Variants in SNX27 observed in about 807,000 individuals in gnomAD.
SNX27 encodes the protein sorting nexin-27.
SNX27 carries 22 observed loss-of-function variants against 71.6 expected under a neutral mutation model. That is an observed-to-expected ratio of 0.31 (90% confidence interval 0.22 to 0.44). The LOEUF (loss-of-function observed/expected upper bound fraction) is 0.44. Among genes scored for constraint, SNX27 ranks in the 20% least tolerant of loss-of-function variants. SNX27 has a pLI of 1.00. For synonymous variants in SNX27, 269 were observed against 277.2 expected, an observed-to-expected ratio of 0.97 and a Z score of 0.29; for missense variants, 531 against 698.6, an observed-to-expected ratio of 0.76 and a Z score of 2.70.
At chr1:151,656,485 A>T (rs1486834013) in intron 2 of SNX27, among the ~76,000 whole-genome samples, 4 of 152,210 alleles carry the variant, frequency 2.6e-5, no homozygotes, top group Non-Finnish European at 5.9e-5. Flanking sequence ...CACCAATTCC[A>T]TTGGCAAAAT....
intron 2 of SNX27, 77 bp downstream of exon 2, chr1:151,639,196 T>C: frequency 7.5e-7 from 1 of 1,328,898 alleles, no homozygotes. Context: ...ACTATTATAG[T>C]GGTAGATAAA....
chr1:151,688,618 TG>T (rs1241855349), intron 8 of SNX27, among the ~76,000 whole-genome samples: 1 of 138,266 alleles, frequency 7.2e-6, no homozygotes, highest in Non-Finnish European at 1.5e-5. Context: ...GGCAACAGAG[TG>T]AGACTCTGTC....
At chr1:151,637,301 C>T (rs1002201002) in intron 1 of SNX27, among the ~76,000 whole-genome samples, 1 of 152,114 alleles carries the variant, frequency 6.6e-6, no homozygotes, top group East Asian at 1.9e-4. Context: ...GCCTCAGCCT[C>T]CCAAGTAGCT....
intron 2 of SNX27, among the ~76,000 whole-genome samples, chr1:151,643,411 C>A (rs1411758201): frequency 1.3e-5 from 2 of 152,042 alleles, no homozygotes; most frequent in Middle Eastern, 3.4e-3. Flanking sequence ...TCTCCTGCCT[C>A]AGCCTCCCCA....
Position 151,693,426 on chromosome 1 carries a change from C to A in SNX27, c.1521C>A (p.Phe507Leu). Residue 507 changes from phenylalanine to leucine, a missense_variant and splice_region_variant, in exon 11 of 12, where the codon TTC (phenylalanine) becomes TTA (leucine). Phe to Leu is a conservative substitution (Grantham distance 22). Transcript: ENST00000458013. ...AGTGTCACCACCTTTTTTTTCAGTT[C>A]AATTACATGCATGAGTGCTTCGAGA... The part of the protein sequence containing the change: ...PRWVKIFTPY[F>L]NYMHECFERV... 6.2e-7 allele frequency: 1 copy of A among 1,613,528 alleles called. No individual in the cohort carries two copies. The highest frequency in any genetic ancestry group is 1.1e-5 in the South Asian group (1 of 91,026).
At chr1:151,674,979 C>G (rs1275635815) in intron 7 of SNX27, among the ~76,000 whole-genome samples, 1 of 152,168 alleles carries the variant, frequency 6.6e-6, no homozygotes, top group East Asian at 1.9e-4. Flanking sequence ...AGCCACCGCG[C>G]CCGGCACTGA....
chr1:151,681,699 T>G (rs771969160), intron 7 of SNX27, among the ~76,000 whole-genome samples: 1 of 152,220 alleles, frequency 6.6e-6, no homozygotes, highest in Non-Finnish European at 1.5e-5. Context: ...AAATCAAACT[T>G]TCTTTAATAA....
chr1:151,683,237 G>T, intron 7 of SNX27, 119 bp from the exon 8 acceptor site: 2 of 700,492 alleles, frequency 2.9e-6, no homozygotes, highest in Non-Finnish European at 4.9e-6. Context: ...CACTGGTAAT[G>T]ATGGTGGTCC....
chr1:151,637,132 T>TA (rs1335445908), intron 1 of SNX27, among the ~76,000 whole-genome samples: 1 of 150,672 alleles, frequency 6.6e-6, no homozygotes, highest in African/African-American at 2.4e-5. Flanking sequence ...ACCATGCTGG[T>TA]ATATGATCAG....
chr1:151,663,190 G>T (rs981495558), intron 5 of SNX27, among the ~76,000 whole-genome samples: 3 of 147,104 alleles, frequency 2.0e-5, no homozygotes, highest in African/African-American at 7.6e-5. Context: ...TTGCTCTGTC[G>T]CCCAGACTGG....
intron 1 of SNX27, among the ~76,000 whole-genome samples, chr1:151,617,125 C>T (rs1220870204): frequency 6.6e-6 from 1 of 151,974 alleles, no homozygotes; most frequent in Non-Finnish European, 1.5e-5. Context: ...TCTATCTGAT[C>T]GTCTATACTT....
Position 151,687,662 on chromosome 1 carries a change from CTG to C in SNX27, c.1239+4219_1239+4220del, listed in dbSNP as rs1387159102. On this transcript the variant is annotated intron_variant, in intron 8 of 11. Coordinates refer to ENST00000458013, the MANE Select transcript of SNX27 (RefSeq NM_001330723.2). The stretch of plus-strand genomic sequence containing the variant: ...AAACACTGAGTCTCTGCTTTAAAAA[CTG>C]TCGGCCTGGCGCGGTGGCTCACGCC... Among the ~76,000 whole-genome samples, 5 of 152,254 alleles carry C rather than the reference CTG, an allele frequency of 3.3e-5. No individual in the cohort carries two copies. The East Asian group carries it at 9.7e-4, about 29-fold the overall frequency.
intron 7 of SNX27, chr1:151,675,743 T>C (rs977940436): frequency 6.7e-6 from 1 of 149,626 alleles, no homozygotes; most frequent in Non-Finnish European, 1.5e-5. Flanking sequence ...TCTTGTAATA[T>C]CACTTTTTGG....
At chr1:151,672,941 T>C (rs1302799450) in intron 7 of SNX27, among the ~76,000 whole-genome samples, 1 of 151,878 alleles carries the variant, frequency 6.6e-6, no homozygotes, top group Non-Finnish European at 1.5e-5. Context: ...GTTTCATTGC[T>C]CTTTTTTTGT....
chr1:151,651,258 G>T (rs1465432641), intron 2 of SNX27, among the ~76,000 whole-genome samples: 2 of 151,148 alleles, frequency 1.3e-5, no homozygotes, highest in East Asian at 4.0e-4. Context: ...CTCCCAGACG[G>T]GGCGGCTGGC....
intron 7 of SNX27, among the ~76,000 whole-genome samples, chr1:151,671,449 A>T (rs891259167): frequency 6.6e-6 from 1 of 151,890 alleles, no homozygotes; most frequent in African/African-American, 2.4e-5. Flanking sequence ...TGTGTTGCCC[A>T]GGCTGGCTTG....
intron 2 of SNX27, among the ~76,000 whole-genome samples, chr1:151,646,636 A>G (rs1669047110): frequency 6.7e-6 from 1 of 148,340 alleles, no homozygotes; most frequent in African/African-American, 2.4e-5. Flanking sequence ...ATAGTATAAC[A>G]CTGTATATAG....
chr1:151,653,224 C>G (rs1228721451), intron 2 of SNX27, among the ~76,000 whole-genome samples: 2 of 151,906 alleles, frequency 1.3e-5, no homozygotes, highest in African/African-American at 4.8e-5. Flanking sequence ...CCGCACCCAG[C>G]CTTTTTTTTT....
intron 1 of SNX27, chr1:151,613,835 T>G (rs1314170539): frequency 6.6e-6 from 1 of 152,260 alleles, no homozygotes; most frequent in African/African-American, 2.4e-5. Context: ...CTCAGCAGTC[T>G]TCAGTGCTGT....
Sources: allele counts gnomAD v4.1 joint callset (sites outside exome capture counted in the v4.1 genomes callset), GRCh38; gene constraint gnomAD v4.1.1; transcripts MANE v1.5; gene names NCBI Gene and HGNC (gene_info 2026-07-23, HGNC 2026-07-21).